UTS2B: variants seen among roughly 807,000 people sequenced by gnomAD.
UTS2B encodes urotensin-2B.
UTS2B carries 21 observed loss-of-function variants against 19.2 expected under a neutral mutation model. The observed-to-expected ratio is 1.09, with a 90% CI of 0.78 to 1.58. The LOEUF (loss-of-function observed/expected upper bound fraction) is 1.58. UTS2B is among the 40% of genes most tolerant of loss of function. The pLI is 0.00. For synonymous variants in UTS2B, 57 were observed against 50.2 expected, an observed-to-expected ratio of 1.14 and a Z score of -0.58; for missense variants, 138 against 130.3, an observed-to-expected ratio of 1.06 and a Z score of -0.29.
chr3:191,271,094 C>T (rs1716079459), intron 8 of UTS2B, among the ~76,000 whole-genome samples: 1 of 147,542 alleles, frequency 6.8e-6, no homozygotes, highest in African/African-American at 2.5e-5. Flanking sequence ...GTCCCAGCTA[C>T]TTGGGTGGCT....
chr3:191,317,567 TTTGTTG>T (rs61650426), intron 2 of UTS2B, among the ~76,000 whole-genome samples: 9,996 of 151,400 alleles, frequency 0.066, 1,107 homozygotes, highest in African/African-American at 0.23. Context: ...TAGGATAGTC[TTTGTTG>T]TTGTTGTTGT....
At chr3:191,335,090 T>G (rs113090016), upstream of UTS2B, among the ~76,000 whole-genome samples, 2 of 152,324 alleles carry the variant, frequency 1.3e-5, no homozygotes, top group African/African-American at 4.8e-5. Context: ...CCATGGTCTT[T>G]CCTCAGCCCT....
chr3:191,311,077 A>C (rs1025154746), intron 3 of UTS2B, among the ~76,000 whole-genome samples: 7 of 152,238 alleles, frequency 4.6e-5, no homozygotes, highest in African/African-American at 1.7e-4. Flanking sequence ...TAAAGTAGTC[A>C]ATAGACACAG....
chr3:191,306,342 T>C (rs1717139509), intron 3 of UTS2B, among the ~76,000 whole-genome samples: 1 of 152,248 alleles, frequency 6.6e-6, no homozygotes, highest in South Asian at 2.1e-4. Flanking sequence ...TATATTTAAC[T>C]GGCTCACTGA....
chr3:191,338,656 A>G, the UTS2B span, among the ~76,000 whole-genome samples: 1 of 152,180 alleles, frequency 6.6e-6, no homozygotes, highest in Admixed American at 6.5e-5. Context: ...TGGATCCACA[A>G]ATCATTCCTT....
the UTS2B span, among the ~76,000 whole-genome samples, chr3:191,339,954 T>C: frequency 6.6e-6 from 1 of 152,220 alleles, no homozygotes; most frequent in Middle Eastern, 3.2e-3. Context: ...GCAGCAGCAA[T>C]GAAGAAAGCA....
chr3:191,338,734 T>C, the UTS2B span, among the ~76,000 whole-genome samples: 1 of 152,334 alleles, frequency 6.6e-6, no homozygotes. Context: ...CTTTTACTTT[T>C]TGTTGTATGA....
the UTS2B span, among the ~76,000 whole-genome samples, chr3:191,345,594 A>T: frequency 6.6e-6 from 1 of 152,116 alleles, no homozygotes; most frequent in Non-Finnish European, 1.5e-5. Flanking sequence ...AGTACTTCTG[A>T]TGTGAGGACT....
At chr3:191,320,139 TA>T (rs145840672) in intron 2 of UTS2B, among the ~76,000 whole-genome samples, 3 of 150,354 alleles carry the variant, frequency 2.0e-5, no homozygotes, top group Admixed American at 6.6e-5. Context: ...GACCTGGAGA[TA>T]AAAAAAAAGA....
intron 3 of UTS2B, among the ~76,000 whole-genome samples, chr3:191,314,114 C>T (rs776888406): frequency 5.3e-5 from 8 of 152,166 alleles, no homozygotes; most frequent in African/African-American, 1.9e-4. Flanking sequence ...CTTCGTGACT[C>T]ATCTTGAATT....
At position 191,276,875 on chromosome 3, in the gene UTS2B, G is replaced by A. The variant is rs143948519; in HGVS notation, c.203-31C>T. The A allele has an allele frequency of 3.5e-4, 558 of 1,600,048 alleles. 6 individuals carry two copies. The East Asian group carries it at 0.012, about 34-fold the overall frequency. The stretch of plus-strand genomic sequence containing the variant: ...AGACACATTTGTCACATGAAAAAAC[G>A]TACATTGCAAGTAATATTTAATTTG... On this transcript the variant is annotated intron_variant, in intron 6 of 8. Transcript: ENST00000340524.
At chr3:191,304,881 GTTC>G (rs1251360107) in intron 3 of UTS2B, among the ~76,000 whole-genome samples, 1 of 151,996 alleles carries the variant, frequency 6.6e-6, no homozygotes, top group Non-Finnish European at 1.5e-5. Context: ...GTGTCCATGT[GTTC>G]TCATTATTTA....
chr3:191,279,195 A>G (rs981862316), intron 5 of UTS2B, among the ~76,000 whole-genome samples: 2 of 152,070 alleles, frequency 1.3e-5, no homozygotes, highest in Non-Finnish European at 2.9e-5. Context: ...AGTTTTCTAC[A>G]TTAACCAAAG....
chr3:191,275,698 C>T (rs1393486057), intron 7 of UTS2B, among the ~76,000 whole-genome samples: 1 of 100,726 alleles, frequency 9.9e-6, no homozygotes, highest in Non-Finnish European at 2.1e-5. Context: ...AAAAAACAAA[C>T]AACAAAAAAA....
intron 6 of UTS2B, chr3:191,277,573 A>C (rs919914284): frequency 1.2e-4 from 19 of 152,116 alleles, no homozygotes; most frequent in African/African-American, 4.1e-4. Context: ...TGTTCTTCAA[A>C]TAAAAATAAT....
chr3:191,317,843 G>A (rs925186166), intron 2 of UTS2B, among the ~76,000 whole-genome samples: 4 of 152,154 alleles, frequency 2.6e-5, no homozygotes, highest in Non-Finnish European at 5.9e-5. Flanking sequence ...CCTTCCCAAA[G>A]TACTGGGATT....
chr3:191,337,554 C>T, the UTS2B span, among the ~76,000 whole-genome samples: 3 of 151,870 alleles, frequency 2.0e-5, no homozygotes, highest in South Asian at 2.1e-4. Flanking sequence ...TGTGTTGGCC[C>T]GGCTGGTCTC....
At chr3:191,303,386 T>C (rs1717052635) in intron 4 of UTS2B, among the ~76,000 whole-genome samples, 1 of 152,230 alleles carries the variant, frequency 6.6e-6, no homozygotes, top group Admixed American at 6.5e-5. Context: ...AATTTTATTG[T>C]CTTCTGAGGT....
intron 3 of UTS2B, among the ~76,000 whole-genome samples, chr3:191,308,148 T>C (rs1465130641): frequency 6.6e-6 from 1 of 152,232 alleles, no homozygotes; most frequent in African/African-American, 2.4e-5. Flanking sequence ...TTTTCCTTTC[T>C]GTTAGTGGAA....
Sources: gnomAD v4.1 joint callset for allele counts (sites outside exome capture counted in the v4.1 genomes callset) on GRCh38, gnomAD v4.1.1 for gene constraint, MANE v1.5 for transcripts, NCBI Gene and HGNC (gene_info 2026-07-23, HGNC 2026-07-21) for gene names.